SGCZ: variants seen among roughly 807,000 people sequenced by gnomAD.
SGCZ encodes zeta-sarcoglycan.
In SGCZ, 40 loss-of-function variants were observed where a neutral mutation model predicts 41.3. That is an observed-to-expected ratio of 0.97 (90% CI 0.75 to 1.26). SGCZ has a LOEUF of 1.26. Ranked by LOEUF, SGCZ falls within the 50% of genes most tolerant of loss-of-function variation. The pLI is 0.00. For missense variants in SGCZ, 552 were observed against 369.8 expected (o/e 1.49, Z -4.04); for synonymous variants, 206 against 137.5 (o/e 1.50, Z -3.49).
At chr8:15,209,772 T>A (rs976664836) in intron 1 of SGCZ, among the ~76,000 whole-genome samples, 9 of 8,522 alleles carry the variant, frequency 1.1e-3, no homozygotes, top group African/African-American at 2.0e-3. Context: ...CTTAAAAAAA[T>A]TAATTAATTA....
At chr8:15,070,666 T>C (rs534514968) in intron 1 of SGCZ, among the ~76,000 whole-genome samples, 1 of 152,282 alleles carries the variant, frequency 6.6e-6, no homozygotes, top group South Asian at 2.1e-4. Flanking sequence ...GGATGTTACT[T>C]AAAGAGCAAT....
At chr8:14,459,071 C>T (rs1192162666) in intron 2 of SGCZ, among the ~76,000 whole-genome samples, 4 of 152,092 alleles carry the variant, frequency 2.6e-5, no homozygotes, top group Non-Finnish European at 5.9e-5. Context: ...CATAAATGTC[C>T]ATTAGTTGGT....
intron 1 of SGCZ, among the ~76,000 whole-genome samples, chr8:15,154,690 G>A (rs1307248857): frequency 6.6e-6 from 1 of 152,184 alleles, no homozygotes; most frequent in African/African-American, 2.4e-5. Flanking sequence ...ACCATTTGAA[G>A]AGGGCTTTGC....
intron 4 of SGCZ, among the ~76,000 whole-genome samples, chr8:14,204,213 G>A (rs569165039): frequency 6.6e-6 from 1 of 151,506 alleles, no homozygotes; most frequent in Non-Finnish European, 1.5e-5. Flanking sequence ...GGGGTAATTT[G>A]TTTGTGTCAT....
chr8:14,884,649 A>G (rs1244484854), intron 1 of SGCZ, among the ~76,000 whole-genome samples: 1 of 152,130 alleles, frequency 6.6e-6, no homozygotes, highest in East Asian at 1.9e-4. Flanking sequence ...AGATCTCCTA[A>G]GTGTATATGG....
At chr8:14,626,045 G>T (rs115334197) in intron 1 of SGCZ, among the ~76,000 whole-genome samples, 2,907 of 152,208 alleles carry the variant, frequency 0.019, 55 homozygotes, top group African/African-American at 0.046. Flanking sequence ...GAGGAATAGT[G>T]GCTTTTATCC....
At chr8:14,819,621 A>C (rs1802014291) in intron 1 of SGCZ, among the ~76,000 whole-genome samples, 1 of 152,166 alleles carries the variant, frequency 6.6e-6, no homozygotes, top group African/African-American at 2.4e-5. Context: ...AAATCTTTCA[A>C]TACTCCAGTA....
chr8:14,542,725 G>A (rs1803508010), intron 2 of SGCZ, among the ~76,000 whole-genome samples: 1 of 151,816 alleles, frequency 6.6e-6, no homozygotes, highest in South Asian at 2.1e-4. Context: ...CTTTTGCAGT[G>A]TTTTGGTTTA....
At chr8:15,199,032 G>T (rs1440854182) in intron 1 of SGCZ, among the ~76,000 whole-genome samples, 1 of 152,118 alleles carries the variant, frequency 6.6e-6, no homozygotes, top group Non-Finnish European at 1.5e-5. Context: ...TATTAATACA[G>T]TGATTCGTTT....
At chr8:14,976,964 G>A (rs1801498673) in intron 1 of SGCZ, among the ~76,000 whole-genome samples, 1 of 152,188 alleles carries the variant, frequency 6.6e-6, no homozygotes, top group East Asian at 1.9e-4. Context: ...AAAGTTTTCT[G>A]CAGTTTCACT....
chr8:15,185,388 T>A (rs896352515), intron 1 of SGCZ, among the ~76,000 whole-genome samples: 3 of 152,228 alleles, frequency 2.0e-5, no homozygotes, highest in African/African-American at 7.2e-5. Context: ...TAAAAGCTGC[T>A]GCATCAGAAA....
intron 4 of SGCZ, among the ~76,000 whole-genome samples, chr8:14,176,521 C>T (rs1469396727): frequency 3.9e-5 from 6 of 152,080 alleles, no homozygotes; most frequent in Non-Finnish European, 7.4e-5. Flanking sequence ...AAATGTATGT[C>T]CTCAAATGAC....
At chr8:14,791,108 ATC>A (rs527359245) in intron 1 of SGCZ, among the ~76,000 whole-genome samples, 7 of 152,140 alleles carry the variant, frequency 4.6e-5, no homozygotes, top group African/African-American at 1.7e-4. Flanking sequence ...TATAACAAAA[ATC>A]TCTGAGTGAT....
At chr8:14,195,724 G>A (rs1585220692) in intron 4 of SGCZ, among the ~76,000 whole-genome samples, 1 of 152,088 alleles carries the variant, frequency 6.6e-6, no homozygotes, top group African/African-American at 2.4e-5. Flanking sequence ...TGGAAAAAAT[G>A]CAAGTGATGA....
intron 4 of SGCZ, among the ~76,000 whole-genome samples, chr8:14,217,295 C>CAAAAAAAAA (rs34197711): frequency 1.8e-5 from 1 of 55,950 alleles, no homozygotes; most frequent in African/African-American, 6.3e-5. Context: ...GACTCCATCT[C>CAAAAAAAAA]AAAAAAAAAA....
At chr8:14,255,781 T>C (rs1364454084) in intron 3 of SGCZ, among the ~76,000 whole-genome samples, 1 of 152,082 alleles carries the variant, frequency 6.6e-6, no homozygotes. Context: ...TTCATATAAA[T>C]AAGTAGAAAT....
intron 1 of SGCZ, among the ~76,000 whole-genome samples, chr8:15,193,207 T>C (rs2117115287): frequency 6.6e-6 from 1 of 152,212 alleles, no homozygotes; most frequent in East Asian, 1.9e-4. Context: ...AATGTGACGA[T>C]GATAATAGCA....
At chr8:14,746,783 A>G (rs1364380592) in intron 1 of SGCZ, among the ~76,000 whole-genome samples, 1 of 152,194 alleles carries the variant, frequency 6.6e-6, no homozygotes, top group South Asian at 2.1e-4. Context: ...TTGTGTGTAT[A>G]CCAAACAGTA....
chr8:14,732,434 G>T (rs1197964610), intron 1 of SGCZ, among the ~76,000 whole-genome samples: 1 of 152,172 alleles, frequency 6.6e-6, no homozygotes, highest in Non-Finnish European at 1.5e-5. Context: ...ACAGATGACT[G>T]GTTCTGTATA....
Sources: gnomAD v4.1 joint callset for allele counts (sites outside exome capture counted in the v4.1 genomes callset) on GRCh38, gnomAD v4.1.1 for gene constraint, MANE v1.5 for transcripts, NCBI Gene and HGNC (gene_info 2026-07-23, HGNC 2026-07-21) for gene names.